The following CCSER1 variants were observed in gnomAD, a reference collection of about 807,000 sequenced individuals.
The protein encoded by CCSER1 is coiled-coil serine rich protein 1, also known as serine-rich coiled-coil domain-containing protein 1.
CCSER1 carries 41 observed loss-of-function variants against 82.0 expected under a neutral mutation model. The observed-to-expected ratio is 0.50, with a 90% CI of 0.39 to 0.65. The LOEUF is 0.65. Among genes scored for constraint, CCSER1 ranks in the 30% least tolerant of loss-of-function variants. The pLI is 0.00. For synonymous variants in CCSER1, 414 were observed against 383.9 expected, an observed-to-expected ratio of 1.08 and a Z score of -0.92; for missense variants, 1,119 against 1,064.2, an observed-to-expected ratio of 1.05 and a Z score of -0.72.
At chr4:91,539,768 T>C (rs1761492965) in intron 10 of CCSER1, among the ~76,000 whole-genome samples, 1 of 152,126 alleles carries the variant, frequency 6.6e-6, no homozygotes, top group South Asian at 2.1e-4. Flanking sequence ...CACCTACTTC[T>C]GTACCACCTT....
chr4:91,051,826 C>T (rs1055945249), intron 9 of CCSER1, among the ~76,000 whole-genome samples: 1 of 152,058 alleles, frequency 6.6e-6, no homozygotes, highest in Non-Finnish European at 1.5e-5. Context: ...AAATGTTGCT[C>T]ATTGTGTACA....
chr4:91,557,277 A>C (rs148118200), intron 10 of CCSER1, among the ~76,000 whole-genome samples: 135 of 151,568 alleles, frequency 8.9e-4, no homozygotes, highest in African/African-American at 3.2e-3. Flanking sequence ...GGAATTTGTT[A>C]TTTTATATAA....
At chr4:90,623,775 A>G (rs2148892201) in intron 5 of CCSER1, among the ~76,000 whole-genome samples, 1 of 152,308 alleles carries the variant, frequency 6.6e-6, no homozygotes, top group Non-Finnish European at 1.5e-5. Flanking sequence ...CAGACAGACA[A>G]TATATTTGGA....
At chr4:90,918,126 T>A (rs1413448126) in intron 8 of CCSER1, 1 of 297,090 alleles carries the variant, frequency 3.4e-6, no homozygotes, top group Non-Finnish European at 6.8e-6. Context: ...ATTCAGTAAG[T>A]ATGTAATCAC....
intron 10 of CCSER1, among the ~76,000 whole-genome samples, chr4:91,368,391 C>G (rs1202199629): frequency 6.6e-6 from 1 of 152,028 alleles, no homozygotes; most frequent in Non-Finnish European, 1.5e-5. Context: ...CCATAATGTT[C>G]AAAACAACAG....
At chr4:90,572,182 G>A (rs1190875411) in intron 5 of CCSER1, among the ~76,000 whole-genome samples, 1 of 152,064 alleles carries the variant, frequency 6.6e-6, no homozygotes, top group Non-Finnish European at 1.5e-5. Flanking sequence ...TGTCATCTCA[G>A]TATCTCTTGG....
chr4:90,715,493 T>C (rs1450296900), intron 6 of CCSER1, among the ~76,000 whole-genome samples: 2 of 151,976 alleles, frequency 1.3e-5, no homozygotes, highest in Non-Finnish European at 2.9e-5. Context: ...TGGAATTGTA[T>C]CACAAGATCA....
At chr4:91,507,976 A>T (rs1167310137) in intron 10 of CCSER1, among the ~76,000 whole-genome samples, 1 of 139,532 alleles carries the variant, frequency 7.2e-6, no homozygotes, top group African/African-American at 2.7e-5. Context: ...GCTCTTCATC[A>T]ATTTCTTAGG....
chr4:90,305,533 T>C (rs1734107819), intron 1 of CCSER1, among the ~76,000 whole-genome samples: 1 of 152,224 alleles, frequency 6.6e-6, no homozygotes, highest in Non-Finnish European at 1.5e-5. Flanking sequence ...GTATACACTT[T>C]GGAAAATCTA....
intron 8 of CCSER1, among the ~76,000 whole-genome samples, chr4:90,831,907 A>G (rs114460715): frequency 0.043 from 6,488 of 151,998 alleles, 419 homozygotes; most frequent in African/African-American, 0.14. Flanking sequence ...CCCTCCTCCA[A>G]TTTTTATATA....
chr4:90,454,913 TGTTGTAGGGGC>T (rs1761980179), intron 4 of CCSER1, among the ~76,000 whole-genome samples: 1 of 152,188 alleles, frequency 6.6e-6, no homozygotes, highest in Admixed American at 6.5e-5. Flanking sequence ...TTTGCCAGCC[TGTTGTAGGGGC>T]AAAAGTGCCT....
chr4:90,158,985 C>A (rs1728900813), intron 1 of CCSER1, among the ~76,000 whole-genome samples: 1 of 152,128 alleles, frequency 6.6e-6, no homozygotes, highest in South Asian at 2.1e-4. Flanking sequence ...ACACTGGGAG[C>A]TGTAGACCGG....
intron 10 of CCSER1, among the ~76,000 whole-genome samples, chr4:91,450,683 T>C (rs761794513): frequency 1.3e-5 from 2 of 151,966 alleles, no homozygotes; most frequent in East Asian, 1.9e-4. Flanking sequence ...GTGGCTGTAA[T>C]TGATGAGGCA....
chr4:91,075,080 C>T (rs1472328945), intron 9 of CCSER1, among the ~76,000 whole-genome samples: 1 of 148,888 alleles, frequency 6.7e-6, no homozygotes, highest in African/African-American at 2.5e-5. Flanking sequence ...CCCTCACCTC[C>T]CTGTGTACCT....
intron 1 of CCSER1, among the ~76,000 whole-genome samples, chr4:90,179,313 T>C (rs1048616369): frequency 6.6e-5 from 10 of 152,226 alleles, no homozygotes; most frequent in Admixed American, 2.6e-4. Context: ...ATAGGTAATA[T>C]GGCAGGAATG....
At chr4:90,550,458 C>A (rs1777320361) in intron 5 of CCSER1, among the ~76,000 whole-genome samples, 1 of 152,092 alleles carries the variant, frequency 6.6e-6, no homozygotes. Context: ...TATTTCAAGA[C>A]AACTTTTTGG....
intron 1 of CCSER1, among the ~76,000 whole-genome samples, chr4:90,305,451 A>G (rs953837994): frequency 8.5e-5 from 13 of 152,176 alleles, no homozygotes; most frequent in African/African-American, 3.1e-4. Context: ...TAAGTGAAAA[A>G]TATCGTGGCT....
chr4:90,236,162 C>T (rs528611926), intron 1 of CCSER1, among the ~76,000 whole-genome samples: 31 of 152,130 alleles, frequency 2.0e-4, no homozygotes, highest in Non-Finnish European at 4.3e-4. Context: ...CTCTTGAGCT[C>T]AAGCAGTCCT....
chr4:91,587,854 T>C (rs1479613664), intron 10 of CCSER1, among the ~76,000 whole-genome samples: 1 of 151,680 alleles, frequency 6.6e-6, no homozygotes, highest in Non-Finnish European at 1.5e-5. Flanking sequence ...AGTCACACAG[T>C]CTCTCTAGTC....
Sources: allele counts gnomAD v4.1 joint callset (sites outside exome capture counted in the v4.1 genomes callset), GRCh38; gene constraint gnomAD v4.1.1; transcripts MANE v1.5; gene names NCBI Gene and HGNC (gene_info 2026-07-23, HGNC 2026-07-21).